Variants in KCNQ1OT1 observed in about 807,000 individuals in gnomAD.
The protein encoded by KCNQ1OT1 is KCNQ1 antisense RNA 2 (non-protein coding).
rs530850220 is a variant in KCNQ1OT1, at chr11:2,668,258, G to A, written n.31737C>T. ...CAGGCAGTTTCTGGTGTAGGTTGCT[G>A]TTTAAGAATATTCTGTACATGCTTT... On this transcript the variant is annotated non_coding_transcript_exon_variant, in exon 1 of 1. Transcript: ENST00000597346. The surrounding 1 kb of genome is among the most constrained non-coding windows in gnomAD (Gnocchi z 4.3). 7 of 398,556 alleles carry A rather than the reference G, an allele frequency of 1.8e-5. No individual in the cohort carries two copies. The highest frequency in any genetic ancestry group is 3.6e-5 in the East Asian group (1 of 28,090). The allele number at this position is 398,556 out of a possible 1,614,324, so 24.7% of individuals were successfully genotyped here. A position where few individuals can be genotyped will look rare whatever the true frequency, so the allele number is the denominator to read the frequency against.
chr11:2,619,183 T>C (rs2133801404), exon 1 of KCNQ1OT1: 1 of 398,532 alleles, frequency 2.5e-6, no homozygotes, highest in East Asian at 3.6e-5. Context: ...TTCTTGTCTG[T>C]TTGGTTGTAC....
chr11:2,648,852 C>T (rs1266425448), exon 1 of KCNQ1OT1: 2 of 398,230 alleles, frequency 5.0e-6, no homozygotes, highest in African/African-American at 2.1e-5. Flanking sequence ...CTCTTTAGCA[C>T]TAATAATATT....
rs1293436212 is a variant in KCNQ1OT1, at chr11:2,679,939, G to A, written n.20056C>T. 9 of 397,026 alleles carry A rather than the reference G, an allele frequency of 2.3e-5. No individual in the cohort carries two copies. The highest frequency in any genetic ancestry group is 3.5e-5 in the Non-Finnish European group (8 of 225,906). 24.6% of individuals were successfully genotyped at this position (397,026 alleles called of 1,614,324 possible). A position where few individuals can be genotyped will look rare whatever the true frequency, so the allele number is the denominator to read the frequency against. ...GGCAGAGTCTCACTTTGTCACCTAG[G>A]CGGGAATGCAGTGGCACAGTCTCGG... is the stretch of plus-strand genomic sequence containing the variant. On this transcript the variant is annotated non_coding_transcript_exon_variant, in exon 1 of 1. Transcript: ENST00000597346. The surrounding 1 kb of genome is among the most constrained non-coding windows in gnomAD (Gnocchi z 4.8).
In KCNQ1OT1 at chr11:2,663,939, C is replaced by T; in HGVS notation, n.36056G>A. 2.5e-6 allele frequency: 1 copy of T among 398,732 alleles called. No individual in the cohort carries two copies. The highest frequency in any genetic ancestry group is 4.4e-6 in the Non-Finnish European group (1 of 226,118). The allele number at this position is 398,732 out of a possible 1,614,324, so 24.7% of individuals were successfully genotyped here. ...CACTGGGCTGTTTCTTGTTCCACTC[C>T]AGGATGACAGGGCCTGAGAGACCTG... On this transcript the variant is annotated non_coding_transcript_exon_variant, in exon 1 of 1. Coordinates refer to ENST00000597346, the Ensembl canonical transcript of KCNQ1OT1. This position sits in a 1 kb window ranked among gnomAD's most constrained non-coding sequence, Gnocchi z 5.2.
rs1848986281 is a variant in KCNQ1OT1, at chr11:2,612,042, T to C, written n.87953A>G. 4 of 398,526 alleles carry C rather than the reference T, an allele frequency of 1.0e-5. No individual in the cohort carries two copies. The highest frequency in any genetic ancestry group is 1.8e-5 in the Non-Finnish European group (4 of 226,086). The allele number at this position is 398,526 out of a possible 1,614,324, so 24.7% of individuals were successfully genotyped here. A position where few individuals can be genotyped will look rare whatever the true frequency, so the allele number is the denominator to read the frequency against. On this transcript the variant is annotated non_coding_transcript_exon_variant, in exon 1 of 1. Transcript: ENST00000597346. The surrounding 1 kb of genome is among the most constrained non-coding windows in gnomAD (Gnocchi z 5.5). ...TTCCACATATGTTTTCTACTCTTAA[T>C]TACATATATGTTACAACTTAATTAC...
Position 2,671,242 on chromosome 11 carries a change from C to T in KCNQ1OT1, n.28753G>A, listed in dbSNP as rs1223686138. The T allele has an allele frequency of 2.3e-5, 9 of 398,498 alleles. No homozygotes were observed. The highest frequency in any genetic ancestry group is 4.0e-5 in the Non-Finnish European group (9 of 226,076). 24.7% of individuals were successfully genotyped at this position (398,498 alleles called of 1,614,324 possible). On this transcript the variant is annotated non_coding_transcript_exon_variant, in exon 1 of 1. Coordinates refer to ENST00000597346, the Ensembl canonical transcript of KCNQ1OT1. The surrounding 1 kb of genome is among the most constrained non-coding windows in gnomAD (Gnocchi z 4.7). Reference sequence around the variant, plus strand: ...GTAGACAGGAGTCCAGGTCTGACCTCAAAATCCGATGTCCCCACCATCCCC... The same window carrying T: ...GTAGACAGGAGTCCAGGTCTGACCTTAAAATCCGATGTCCCCACCATCCCC...
chr11:2,679,727 A>G lies in KCNQ1OT1; in HGVS notation n.20268T>C. 1 of 398,562 alleles carries G rather than the reference A, an allele frequency of 2.5e-6. No individual in the cohort carries two copies. Among genetic ancestry groups the G allele is most frequent in the Non-Finnish European group, 4.4e-6 (1 of 226,056 alleles). The allele number at this position is 398,562 out of a possible 1,614,324, so 24.7% of individuals were successfully genotyped here. A position where few individuals can be genotyped will look rare whatever the true frequency, so the allele number is the denominator to read the frequency against. Reference sequence around the variant, plus strand: ...AGCCGTTCTCTGTATTCTTGTCCAGATGCTGTGGACAGTGATGATGGGAAA... The same window carrying G: ...AGCCGTTCTCTGTATTCTTGTCCAGGTGCTGTGGACAGTGATGATGGGAAA... On this transcript the variant is annotated non_coding_transcript_exon_variant, in exon 1 of 1. Coordinates refer to ENST00000597346, the Ensembl canonical transcript of KCNQ1OT1. This position sits in a 1 kb window ranked among gnomAD's most constrained non-coding sequence, Gnocchi z 4.8.
Position 2,619,172 on chromosome 11 carries a change from T to C in KCNQ1OT1, n.80823A>G, listed in dbSNP as rs143487362. ...CTGATTTGAATGTCTTTCATTTCTTTTTCTTGTCTGTTTGGTTGTACTAGT... is the reference window on the plus strand; with the variant it reads ...CTGATTTGAATGTCTTTCATTTCTTCTTCTTGTCTGTTTGGTTGTACTAGT... On this transcript the variant is annotated non_coding_transcript_exon_variant, in exon 1 of 1. Transcript: ENST00000597346. 2,067 of 398,566 alleles carry C rather than the reference T, an allele frequency of 5.2e-3. 14 individuals are homozygous for C. The highest frequency in any genetic ancestry group is 7.0e-3 in the Non-Finnish European group (1,581 of 226,040). The allele number at this position is 398,566 out of a possible 1,614,324, so 24.7% of individuals were successfully genotyped here.
rs1339707021 is a variant in KCNQ1OT1 at position 2,654,109 on chromosome 11, G to T, written n.45886C>A. 4 of 398,652 alleles carry T rather than the reference G, an allele frequency of 1.0e-5. No individual in the cohort carries two copies. The highest frequency in any genetic ancestry group is 8.2e-5 in the African/African-American group (4 of 48,650). The allele number at this position is 398,652 out of a possible 1,614,324, so 24.7% of individuals were successfully genotyped here. On this transcript the variant is annotated non_coding_transcript_exon_variant, in exon 1 of 1. Transcript: ENST00000597346. This position sits in a 1 kb window ranked among gnomAD's most constrained non-coding sequence, Gnocchi z 6.4. ...CCCTTACTTCTCGCCTCTGAGTGGA[G>T]ACACAGGTGGTGGCGGGGCCACTCT...
rs533726983 is a variant in KCNQ1OT1, at chr11:2,685,796, C to A, written n.14199G>T. 41 of 398,686 alleles carry A rather than the reference C, an allele frequency of 1.0e-4. No homozygotes were observed. The East Asian group carries it at 1.5e-3, about 14-fold the overall frequency. 24.7% of individuals were successfully genotyped at this position (398,686 alleles called of 1,614,324 possible). A position where few individuals can be genotyped will look rare whatever the true frequency, so the allele number is the denominator to read the frequency against. ...GTGAGAAAGGGCCCTGCACAGTCAG[C>A]GTTCCTGAGAATGCGATTCCTACTA... On this transcript the variant is annotated non_coding_transcript_exon_variant, in exon 1 of 1. Coordinates refer to ENST00000597346, the Ensembl canonical transcript of KCNQ1OT1.
chr11:2,629,169 A>C, exon 1 of KCNQ1OT1: 2 of 398,316 alleles, frequency 5.0e-6, no homozygotes, highest in Non-Finnish European at 8.9e-6. Context: ...TTGAATCTGT[A>C]GATCACTTTG....
At chr11:2,689,196 T>G (rs758898570) in exon 1 of KCNQ1OT1, 5 of 398,704 alleles carry the variant, frequency 1.3e-5, no homozygotes, top group Admixed American at 4.4e-5. Flanking sequence ...TGCAAACAGC[T>G]CAGCTTGCTG....
chr11:2,667,586 C>A (rs1184307824), exon 1 of KCNQ1OT1: 2 of 22,098 alleles, frequency 9.1e-5, no homozygotes, highest in African/African-American at 1.9e-4. Flanking sequence ...GGGGTCGGGG[C>A]GGGGTTGGGC....
chr11:2,669,314 G>A lies in KCNQ1OT1; in HGVS notation n.30681C>T, dbSNP rs147947239. 5.8e-5 allele frequency: 23 copies of A among 398,620 alleles called. No individual in the cohort carries two copies. Among genetic ancestry groups the A allele is most frequent in the Middle Eastern group, 6.3e-4 (1 of 1,588 alleles). The allele number at this position is 398,620 out of a possible 1,614,324, so 24.7% of individuals were successfully genotyped here. A position where few individuals can be genotyped will look rare whatever the true frequency, so the allele number is the denominator to read the frequency against. On this transcript the variant is annotated non_coding_transcript_exon_variant, in exon 1 of 1. Transcript: ENST00000597346. The surrounding 1 kb of genome is among the most constrained non-coding windows in gnomAD (Gnocchi z 5.6). ...TCACCATACATATGCCAGTTGCCATGGAAAGCCTCCTCTAGGCGCAGCAGC... is the reference window on the plus strand; with the variant it reads ...TCACCATACATATGCCAGTTGCCATAGAAAGCCTCCTCTAGGCGCAGCAGC...
At chr11:2,610,346 G>A in exon 1 of KCNQ1OT1, 1 of 397,996 alleles carries the variant, frequency 2.5e-6, no homozygotes, top group East Asian at 3.6e-5. Flanking sequence ...CTATTATAAT[G>A]ATCATACTAT....
Position 2,613,235 on chromosome 11 carries a change from G to T in KCNQ1OT1, n.86760C>A. The T allele has an allele frequency of 2.5e-6, 1 of 398,524 alleles. No individual in the cohort carries two copies. The highest frequency in any genetic ancestry group is 4.4e-6 in the Non-Finnish European group (1 of 226,070). The allele number at this position is 398,524 out of a possible 1,614,324, so 24.7% of individuals were successfully genotyped here. A position where few individuals can be genotyped will look rare whatever the true frequency, so the allele number is the denominator to read the frequency against. On this transcript the variant is annotated non_coding_transcript_exon_variant, in exon 1 of 1. Transcript: ENST00000597346. The surrounding 1 kb of genome is among the most constrained non-coding windows in gnomAD (Gnocchi z 4.8). Reference sequence around the variant, plus strand: ...CTGCTTGCAAAAGGTCTCACAGTCAGCCAAGGATAAGTAGATAGCAGGAAA... The same window carrying T: ...CTGCTTGCAAAAGGTCTCACAGTCATCCAAGGATAAGTAGATAGCAGGAAA...
exon 1 of KCNQ1OT1, chr11:2,641,929 A>G (rs765906775): frequency 2.5e-6 from 1 of 398,478 alleles, no homozygotes; most frequent in Non-Finnish European, 4.4e-6. Context: ...TTTGTCAAAA[A>G]TCAGTTGGCT....
At chr11:2,692,529 C>A in exon 1 of KCNQ1OT1, 1 of 398,828 alleles carries the variant, frequency 2.5e-6, no homozygotes, top group Non-Finnish European at 4.4e-6. Context: ...GGCTCCCTAC[C>A]ACCAGAGGGC....
chr11:2,617,037 G>A lies in KCNQ1OT1; in HGVS notation n.82958C>T, dbSNP rs953975565. 1 of 397,866 alleles carries A rather than the reference G, an allele frequency of 2.5e-6. No individual in the cohort carries two copies. The highest frequency in any genetic ancestry group is 4.4e-6 in the Non-Finnish European group (1 of 225,734). 24.6% of individuals were successfully genotyped at this position (397,866 alleles called of 1,614,324 possible). ...ACAGTTAAATCGTTAACATAGTGAT[G>A]CAAATTAATATGTCCATCATCTCAC... On this transcript the variant is annotated non_coding_transcript_exon_variant, in exon 1 of 1. Transcript: ENST00000597346. This position sits in a 1 kb window ranked among gnomAD's most constrained non-coding sequence, Gnocchi z 4.6.
Sources: gnomAD v4.1 joint callset for allele counts on GRCh38, gnomAD v4.1.1 for gene constraint, Gnocchi (gnomAD v3.1) non-coding constraint, MANE v1.5 for transcripts, NCBI Gene and HGNC (gene_info 2026-07-23, HGNC 2026-07-21) for gene names.